Variants in ZNF385D observed in about 807,000 individuals in gnomAD.
ZNF385D encodes zinc finger protein 659.
ZNF385D carries 15 observed loss-of-function variants against 35.8 expected under a neutral mutation model. The observed-to-expected ratio is 0.42, with a 90% CI of 0.28 to 0.64. The LOEUF (loss-of-function observed/expected upper bound fraction) is 0.64. Among genes scored for constraint, ZNF385D ranks in the 30% least tolerant of loss-of-function variants. The pLI is 0.23. For missense variants in ZNF385D, 474 were observed against 494.6 expected, an observed-to-expected ratio of 0.96 and a Z score of 0.39; for synonymous variants, 212 against 186.8, an observed-to-expected ratio of 1.13 and a Z score of -1.10.
intron 3 of ZNF385D, among the ~76,000 whole-genome samples, chr3:21,883,348 A>G (rs1698375590): frequency 6.6e-6 from 1 of 152,000 alleles, no homozygotes; most frequent in African/African-American, 2.4e-5. Context: ...CCCCTCAAAA[A>G]ATAAAAATAA....
intron 3 of ZNF385D, among the ~76,000 whole-genome samples, chr3:21,853,209 C>G (rs1254239839): frequency 1.3e-5 from 2 of 151,896 alleles, no homozygotes; most frequent in African/African-American, 2.4e-5. Context: ...TTCTTACCTA[C>G]TTAAGAGAAT....
intron 2 of ZNF385D, among the ~76,000 whole-genome samples, chr3:21,588,013 A>G (rs2063861540): frequency 6.6e-6 from 1 of 152,210 alleles, no homozygotes; most frequent in South Asian, 2.1e-4. Flanking sequence ...TGACTACATT[A>G]TAAGCATGTA....
At chr3:21,836,130 A>G (rs962233534) in intron 3 of ZNF385D, among the ~76,000 whole-genome samples, 37 of 151,686 alleles carry the variant, frequency 2.4e-4, no homozygotes, top group African/African-American at 7.8e-4. Flanking sequence ...AATTTTGGGG[A>G]AAAAAAGTTA....
chr3:21,638,743 C>A (rs1411602957), intron 2 of ZNF385D, among the ~76,000 whole-genome samples: 1 of 152,050 alleles, frequency 6.6e-6, no homozygotes, highest in African/African-American at 2.4e-5. Context: ...TAGAAAGCTA[C>A]TTTAGTTATG....
intron 4 of ZNF385D, among the ~76,000 whole-genome samples, chr3:21,462,508 G>A (rs1703239211): frequency 6.6e-6 from 1 of 152,144 alleles, no homozygotes; most frequent in Non-Finnish European, 1.5e-5. Context: ...AAGGGTAAAA[G>A]TTGACATTAA....
intron 2 of ZNF385D, among the ~76,000 whole-genome samples, chr3:22,262,627 G>C (rs546303147): frequency 6.6e-6 from 1 of 151,816 alleles, no homozygotes; most frequent in African/African-American, 2.4e-5. Flanking sequence ...CTTTTTCAGA[G>C]TCTCGATTTA....
intron 3 of ZNF385D, among the ~76,000 whole-genome samples, chr3:21,916,137 A>G (rs889563433): frequency 6.6e-6 from 1 of 152,192 alleles, no homozygotes; most frequent in Non-Finnish European, 1.5e-5. Flanking sequence ...AGCATAATGT[A>G]TATCACAAGG....
At chr3:21,764,318 A>T (rs913702532) in intron 3 of ZNF385D, among the ~76,000 whole-genome samples, 13 of 152,152 alleles carry the variant, frequency 8.5e-5, no homozygotes, top group Admixed American at 3.9e-4. Flanking sequence ...GAAACTGTGA[A>T]CTGCAACAAA....
intron 3 of ZNF385D, chr3:22,168,732 C>T: frequency 1.2e-6 from 1 of 812,340 alleles, no homozygotes; most frequent in South Asian, 5.6e-5. Context: ...AAAAATAGTT[C>T]ATTCTTTTAT....
At chr3:22,266,592 C>A (rs1200845521) in intron 2 of ZNF385D, among the ~76,000 whole-genome samples, 1 of 151,830 alleles carries the variant, frequency 6.6e-6, no homozygotes, top group Non-Finnish European at 1.5e-5. Context: ...TGTAAGAGCC[C>A]TAGTCTTAGG....
intron 1 of ZNF385D, among the ~76,000 whole-genome samples, chr3:21,674,792 G>A (rs1477558817): frequency 6.6e-6 from 1 of 151,990 alleles, no homozygotes; most frequent in Non-Finnish European, 1.5e-5. Flanking sequence ...CTCCCTATAT[G>A]AGGAAGCTGT....
In ZNF385D at chr3:22,036,783, A is replaced by T. The variant is rs917578874; in HGVS notation, c.325+132034T>A. On this transcript the variant is annotated intron_variant, in intron 3 of 5. Transcript: ENST00000494108. ...ACGTGCAAGTTTGCTACATATGTATACATGTGCCATGTTGGTGTGCTGTAC... is the reference window on the plus strand; with the variant it reads ...ACGTGCAAGTTTGCTACATATGTATTCATGTGCCATGTTGGTGTGCTGTAC... Among the ~76,000 whole-genome samples, 19 of 149,986 alleles carry T rather than the reference A, an allele frequency of 1.3e-4. 1 individual carries two copies. Among genetic ancestry groups the T allele is most frequent in the Non-Finnish European group, 1.5e-5 (1 of 67,842 alleles).
At chr3:21,617,139 G>C (rs1010992507) in intron 2 of ZNF385D, among the ~76,000 whole-genome samples, 1 of 152,138 alleles carries the variant, frequency 6.6e-6, no homozygotes, top group South Asian at 2.1e-4. Context: ...AATGTGTTAA[G>C]TATTAGAGAA....
At chr3:21,638,988 C>G (rs996721548) in intron 2 of ZNF385D, among the ~76,000 whole-genome samples, 11 of 151,994 alleles carry the variant, frequency 7.2e-5, no homozygotes, top group Admixed American at 4.6e-4. Flanking sequence ...TTAAAATTCA[C>G]CAGATAGATC....
At chr3:21,934,561 C>T (rs998100863) in intron 3 of ZNF385D, among the ~76,000 whole-genome samples, 4 of 152,158 alleles carry the variant, frequency 2.6e-5, no homozygotes, top group Non-Finnish European at 4.4e-5. Flanking sequence ...ATGCAAAACA[C>T]AGATGTAGCT....
At chr3:21,858,834 TTAATTCAA>T (rs1484947289) in intron 3 of ZNF385D, among the ~76,000 whole-genome samples, 1 of 152,104 alleles carries the variant, frequency 6.6e-6, no homozygotes, top group Non-Finnish European at 1.5e-5. Flanking sequence ...GATTGCATCA[TTAATTCAA>T]TATCCTGCCA....
At chr3:21,595,391 T>C (rs562405804) in intron 2 of ZNF385D, among the ~76,000 whole-genome samples, 4 of 151,138 alleles carry the variant, frequency 2.6e-5, no homozygotes, top group Admixed American at 1.3e-4. Flanking sequence ...TATATGTATG[T>C]TTTATATCCC....
intron 3 of ZNF385D, among the ~76,000 whole-genome samples, chr3:21,532,828 G>A (rs1329780199): frequency 6.6e-6 from 1 of 152,074 alleles, no homozygotes; most frequent in East Asian, 1.9e-4. Context: ...TCTAGGTACT[G>A]TTGTATTTAA....
chr3:22,102,893 A>G (rs1388891808), intron 3 of ZNF385D, among the ~76,000 whole-genome samples: 32 of 139,362 alleles, frequency 2.3e-4, no homozygotes, highest in African/African-American at 8.1e-4. Context: ...TGAATTTATC[A>G]GGGAAAAAAA....
Sources: allele counts gnomAD v4.1 joint callset (sites outside exome capture counted in the v4.1 genomes callset), GRCh38; gene constraint gnomAD v4.1.1; transcripts MANE v1.5; gene names NCBI Gene and HGNC (gene_info 2026-07-23, HGNC 2026-07-21).